Variants in FSHR observed in about 807,000 individuals in gnomAD.
The protein encoded by FSHR is follicle stimulating hormone receptor, also known as follicle-stimulating hormone receptor.
Under a neutral mutation model 52.1 loss-of-function variants are expected in FSHR, and 46 were observed. The observed-to-expected ratio is 0.88, with a 90% CI of 0.70 to 1.13. The LOEUF (loss-of-function observed/expected upper bound fraction) is 1.13. FSHR is among the 50% of genes most tolerant of loss of function. FSHR has a pLI of 0.00. For missense variants in FSHR, 964 were observed against 834.6 expected (o/e 1.16, Z -1.91); for synonymous variants, 399 against 309.6 (o/e 1.29, Z -3.03).
rs935899649 is a variant in FSHR at position 48,963,396 on chromosome 2, C to A, written c.1425G>T (p.Met475Ile). Residue 475 changes from methionine to isoleucine, a missense_variant, in exon 10 of 10, where the codon ATG becomes ATT. Physicochemically the swap from Met to Ile is conservative, Grantham distance 10. Coordinates refer to ENST00000406846, the MANE Select transcript of FSHR (RefSeq NM_000145.4). Reference protein sequence around the residue: ...LERWHTITHAMQLDCKVQLRH... With the variant: ...LERWHTITHAIQLDCKVQLRH... Reference sequence around the variant, plus strand: ...GGAGCTGCACCTTGCAGTCCAGCTGCATGGCATGCGTGATGGTATGCCATC... The same window carrying A: ...GGAGCTGCACCTTGCAGTCCAGCTGAATGGCATGCGTGATGGTATGCCATC... 6.2e-7 allele frequency: 1 copy of A among 1,614,130 alleles called. No individual in the cohort carries two copies. The highest frequency in any genetic ancestry group is 8.5e-7 in the Non-Finnish European group (1 of 1,179,998).
intron 1 of FSHR, among the ~76,000 whole-genome samples, chr2:49,127,913 G>T (rs1308461441): frequency 1.2e-4 from 6 of 49,072 alleles, no homozygotes; most frequent in South Asian, 7.5e-4. Flanking sequence ...TTTTTTTTGA[G>T]ACGGAGTCTT....
chr2:49,029,745 G>A (rs905726303), intron 2 of FSHR, among the ~76,000 whole-genome samples: 5 of 152,164 alleles, frequency 3.3e-5, no homozygotes, highest in African/African-American at 1.2e-4. Flanking sequence ...CTAGGTTCTA[G>A]TCCTGACTCT....
intron 1 of FSHR, among the ~76,000 whole-genome samples, chr2:49,112,669 C>A (rs1370110365): frequency 1.3e-5 from 2 of 152,120 alleles, no homozygotes; most frequent in Non-Finnish European, 2.9e-5. Context: ...ATCCCTGCAA[C>A]CACTTGAACC....
intron 2 of FSHR, among the ~76,000 whole-genome samples, chr2:49,047,702 T>C (rs1415925973): frequency 6.6e-6 from 1 of 152,234 alleles, no homozygotes; most frequent in Non-Finnish European, 1.5e-5. Flanking sequence ...CTTAGACTTT[T>C]GGTGTCAATA....
Position 49,063,370 on chromosome 2 carries a change from A to C in FSHR, c.224+4849T>G, listed in dbSNP as rs898592087. Among the ~76,000 whole-genome samples, 20 of 152,290 alleles carry C rather than the reference A, an allele frequency of 1.3e-4. No homozygotes were observed. The East Asian group carries it at 1.3e-3, about 10-fold the overall frequency. ...ACTCTGATGTTTATTGTAGCACTAT[A>C]AATAGCCAAGGTATAGAACCAACTT... On this transcript the variant is annotated intron_variant, in intron 2 of 9. Coordinates refer to ENST00000406846, the MANE Select transcript of FSHR (RefSeq NM_000145.4).
chr2:49,115,446 G>C (rs745967019), intron 1 of FSHR, among the ~76,000 whole-genome samples: 1 of 152,128 alleles, frequency 6.6e-6, no homozygotes, highest in Non-Finnish European at 1.5e-5. Flanking sequence ...TTTATAGACT[G>C]TGTAATCTCG....
In FSHR at chr2:48,979,130, C is replaced by T. The variant is rs192369404; in HGVS notation, c.668+3782G>A. On this transcript the variant is annotated intron_variant, in intron 8 of 9. Coordinates refer to ENST00000406846, the MANE Select transcript of FSHR (RefSeq NM_000145.4). ...AGATACAAGTTATCAGGCCTCAACC[C>T]TGACCTACTGAATCAAAAATTCTAA... Among the ~76,000 whole-genome samples, 170 of 151,484 alleles carry T rather than the reference C, an allele frequency of 1.1e-3. 1 individual carries two copies. Among genetic ancestry groups the T allele is most frequent in the African/African-American group, 3.9e-3 (161 of 40,774 alleles).
chr2:48,963,974 A>G lies in FSHR; in HGVS notation c.855-8T>C, dbSNP rs1360916733. 1.7e-5 allele frequency: 28 copies of G among 1,610,888 alleles called. No homozygotes were observed. The highest frequency in any genetic ancestry group is 2.4e-5 in the Non-Finnish European group (28 of 1,179,472). On this transcript the variant is annotated splice_region_variant and splice_polypyrimidine_tract_variant and intron_variant, in intron 9 of 9. Transcript: ENST00000406846. ...ATTGGATGAAGCTCAGAGCTAGAAA[A>G]ATACAAAAAGAAATAGAATCAACAT...
In FSHR at chr2:49,017,529, T is replaced by G. The variant is rs201909194; in HGVS notation, c.334A>C (p.Asn112His). 10 of 1,613,594 alleles carry G rather than the reference T, an allele frequency of 6.2e-6. No individual in the cohort carries two copies. Among genetic ancestry groups the G allele is most frequent in the Middle Eastern group, 1.7e-4 (1 of 6,058 alleles). ...GGAAGGTTCTGGAAGGCCTCAGGGT[T>G]GATGTAGAGCAGGTTGTTGGCCTTT... ...IEKANNLLYI[N>H]PEAFQNLPNL... The change falls in exon 4 of 10, where the codon AAC becomes CAC. Residue 112 changes from asparagine (N) to histidine (H), a missense_variant. By Grantham distance (68) the Asn-to-His change is moderately conservative (BLOSUM62 1). Coordinates refer to ENST00000406846, the MANE Select transcript of FSHR (RefSeq NM_000145.4).
At chr2:49,047,302 T>A (rs1292650070) in intron 2 of FSHR, among the ~76,000 whole-genome samples, 1 of 152,162 alleles carries the variant, frequency 6.6e-6, no homozygotes, top group Admixed American at 6.5e-5. Context: ...AGGGAAGATA[T>A]AAAAGGAGTA....
At chr2:49,045,276 G>C (rs924267068) in intron 2 of FSHR, among the ~76,000 whole-genome samples, 1 of 152,156 alleles carries the variant, frequency 6.6e-6, no homozygotes, top group Non-Finnish European at 1.5e-5. Flanking sequence ...TAGACCAGGA[G>C]CATTGGCTTC....
At chr2:49,134,366 T>C (rs1315412198) in intron 1 of FSHR, among the ~76,000 whole-genome samples, 2 of 152,188 alleles carry the variant, frequency 1.3e-5, no homozygotes, top group East Asian at 3.8e-4. Context: ...CACAATGAGA[T>C]ACCATCTCAC....
At position 48,964,393 on chromosome 2, in the gene FSHR, C is replaced by T. The variant is rs367683074; in HGVS notation, c.855-427G>A. Among the ~76,000 whole-genome samples, 17 of 152,300 alleles carry T rather than the reference C, an allele frequency of 1.1e-4. No individual in the cohort carries two copies. In the South Asian group the frequency reaches 3.3e-3, roughly 30 times the overall value. ...ATCACTGGAAGATCCAGACTGTTCG[C>T]TGACTCAAATGAGAACTTATTTGCT... is the stretch of plus-strand genomic sequence containing the variant. On this transcript the variant is annotated intron_variant, in intron 9 of 9. Coordinates refer to ENST00000406846, the MANE Select transcript of FSHR (RefSeq NM_000145.4).
At chr2:49,019,018 T>A (rs1407351483) in intron 3 of FSHR, among the ~76,000 whole-genome samples, 8 of 152,230 alleles carry the variant, frequency 5.3e-5, no homozygotes, top group Non-Finnish European at 1.2e-4. Flanking sequence ...TTACAACTTC[T>A]CTGTGCCTTT....
chr2:49,061,212 A>G (rs946807964), intron 2 of FSHR, among the ~76,000 whole-genome samples: 12 of 152,056 alleles, frequency 7.9e-5, no homozygotes, highest in African/African-American at 2.7e-4. Context: ...GCACCTCAAG[A>G]CCCAGGTGCC....
rs377116672 is a variant in FSHR at position 48,982,901 on chromosome 2, A to G, written c.668+11T>C. The G allele has an allele frequency of 1.3e-5, 21 of 1,607,692 alleles. No homozygotes were observed. Among genetic ancestry groups the G allele is most frequent in the African/African-American group, 9.4e-5 (7 of 74,780 alleles). ...GAGCTCTTACACACAGAAATGGGGA[A>G]AGCTACTCACAGAATGACTGGTCCA... On this transcript the variant is annotated intron_variant, in intron 8 of 9. Coordinates refer to ENST00000406846, the MANE Select transcript of FSHR (RefSeq NM_000145.4).
intron 4 of FSHR, among the ~76,000 whole-genome samples, chr2:49,008,367 T>C (rs1667146045): frequency 6.7e-6 from 1 of 148,200 alleles, no homozygotes; most frequent in Non-Finnish European, 1.5e-5. Context: ...CATCATTTTT[T>C]ATGGCTGCAT....
Position 48,988,915 on chromosome 2 carries a change from G to A in FSHR, c.524+62C>T, listed in dbSNP as rs530615751. On this transcript the variant is annotated intron_variant, in intron 6 of 9. Coordinates refer to ENST00000406846, the MANE Select transcript of FSHR (RefSeq NM_000145.4). ...ACAAAAAAGGAGCATCCAATTATGA[G>A]AAAGAGATCACTAAATGAAAAATCA... is the stretch of plus-strand genomic sequence containing the variant. 9.3e-6 allele frequency: 13 copies of A among 1,397,262 alleles called. No individual in the cohort carries two copies. In the Admixed American group the frequency reaches 2.0e-4, roughly 22 times the overall value. 86.6% of individuals were successfully genotyped at this position (1,397,262 alleles called of 1,614,324 possible).
chr2:49,122,281 G>T (rs2103782844), intron 1 of FSHR, among the ~76,000 whole-genome samples: 1 of 152,312 alleles, frequency 6.6e-6, no homozygotes, highest in East Asian at 1.9e-4. Flanking sequence ...GGAATGAGCT[G>T]GAGCCTTACT....
Sources: gnomAD v4.1 joint callset for allele counts (sites outside exome capture counted in the v4.1 genomes callset) on GRCh38, gnomAD v4.1.1 for gene constraint, MANE v1.5 for transcripts, NCBI Gene and HGNC (gene_info 2026-07-23, HGNC 2026-07-21) for gene names.